LYPD6B: variants seen among roughly 807,000 people sequenced by gnomAD.
LYPD6B encodes the protein LY6/PLAUR domain containing 6B.
A neutral mutation model predicts 22.8 loss-of-function variants in LYPD6B; 17 were observed. That is an observed-to-expected ratio of 0.75 (90% CI 0.51 to 1.12). The LOEUF is 1.12. Ranked by LOEUF, LYPD6B falls within the 50% of genes most tolerant of loss-of-function variation. The pLI is 0.00. For missense variants in LYPD6B, 221 were observed against 258.3 expected, an observed-to-expected ratio of 0.86 and a Z score of 0.99; for synonymous variants, 106 against 91.6, an observed-to-expected ratio of 1.16 and a Z score of -0.90.
chr2:149,057,921 G>A (rs1253469775), intron 1 of LYPD6B, among the ~76,000 whole-genome samples: 1 of 152,136 alleles, frequency 6.6e-6, no homozygotes, highest in African/African-American at 2.4e-5. Flanking sequence ...CTCAGTTACT[G>A]TTTACCATAG....
At position 149,105,448 on chromosome 2, in the gene LYPD6B, C is replaced by A. The variant is rs113872368; in HGVS notation, c.-66-25435C>A. ...TGTGTCTTCCAATCCATGAACAATGCAGTAACTCAGCATTTATTTAAGTTT... is the reference window on the plus strand; with the variant it reads ...TGTGTCTTCCAATCCATGAACAATGAAGTAACTCAGCATTTATTTAAGTTT... On this transcript the variant is annotated intron_variant, in intron 1 of 6. Coordinates refer to ENST00000409642, the MANE Select transcript of LYPD6B (RefSeq NM_177964.5). 1.6e-3 allele frequency among the ~76,000 whole-genome samples: 240 copies of A among 152,250 alleles called. 1 individual carries two copies. The highest frequency in any genetic ancestry group is 5.6e-3 in the African/African-American group (234 of 41,570).
At chr2:149,210,351 C>T (rs1693770567) in intron 5 of LYPD6B, among the ~76,000 whole-genome samples, 1 of 151,958 alleles carries the variant, frequency 6.6e-6, no homozygotes, top group African/African-American at 2.4e-5. Context: ...CTGCCAAGTC[C>T]ACCTGAGAGG....
chr2:149,125,369 T>C (rs1034068212), intron 1 of LYPD6B, among the ~76,000 whole-genome samples: 3 of 152,218 alleles, frequency 2.0e-5, no homozygotes, highest in African/African-American at 7.2e-5. Context: ...TTCCTCTTCC[T>C]GGAGGGTTTT....
chr2:149,105,779 C>A (rs543285299), intron 1 of LYPD6B, among the ~76,000 whole-genome samples: 1 of 152,128 alleles, frequency 6.6e-6, no homozygotes, highest in Non-Finnish European at 1.5e-5. Flanking sequence ...GTCTGGATGG[C>A]TTTTGTTTCT....
At chr2:149,106,933 G>A (rs555195579) in intron 1 of LYPD6B, among the ~76,000 whole-genome samples, 27 of 152,054 alleles carry the variant, frequency 1.8e-4, no homozygotes, top group Admixed American at 1.6e-3. Flanking sequence ...CTTATCTGCA[G>A]GGGATGTGCT....
At chr2:149,105,662 C>T (rs368562928) in intron 1 of LYPD6B, among the ~76,000 whole-genome samples, 24 of 152,246 alleles carry the variant, frequency 1.6e-4, no homozygotes, top group African/African-American at 5.8e-4. Context: ...CTGCATCCTA[C>T]AGACTGACTA....
chr2:149,078,055 A>T (rs1289089909), intron 1 of LYPD6B, among the ~76,000 whole-genome samples: 5 of 152,196 alleles, frequency 3.3e-5, no homozygotes, highest in Admixed American at 6.5e-5. Context: ...GTGACAGTCA[A>T]CACTGTTAAT....
chr2:149,132,691 C>T (rs1332987304), intron 2 of LYPD6B, among the ~76,000 whole-genome samples: 1 of 152,052 alleles, frequency 6.6e-6, no homozygotes, highest in African/African-American at 2.4e-5. Flanking sequence ...TGTGCTTGGC[C>T]CTGCCCCATT....
chr2:149,138,350 T>G (rs1252608702), intron 2 of LYPD6B, among the ~76,000 whole-genome samples: 1 of 152,218 alleles, frequency 6.6e-6, no homozygotes. Flanking sequence ...CCAACCAGTT[T>G]GAATGAATGT....
At chr2:149,098,428 C>T (rs980257115) in intron 1 of LYPD6B, among the ~76,000 whole-genome samples, 1 of 151,764 alleles carries the variant, frequency 6.6e-6, no homozygotes, top group African/African-American at 2.4e-5. Context: ...AGTTCAAGAC[C>T]AGCCTGGGAA....
intron 1 of LYPD6B, among the ~76,000 whole-genome samples, chr2:149,106,235 G>A (rs1223653018): frequency 3.3e-5 from 5 of 151,914 alleles, no homozygotes; most frequent in Admixed American, 3.3e-4. Flanking sequence ...GAGGAATATT[G>A]GTTTGCAATT....
chr2:149,103,198 A>G (rs939521216), intron 1 of LYPD6B, among the ~76,000 whole-genome samples: 1 of 152,200 alleles, frequency 6.6e-6, no homozygotes, highest in Non-Finnish European at 1.5e-5. Flanking sequence ...GTTGGCACAA[A>G]CATGGTGGAG....
At chr2:149,091,216 A>G (rs1190078010) in intron 1 of LYPD6B, among the ~76,000 whole-genome samples, 1 of 152,016 alleles carries the variant, frequency 6.6e-6, no homozygotes, top group Non-Finnish European at 1.5e-5. Flanking sequence ...CCTCTGTGAA[A>G]TCGGGGTTTT....
chr2:149,158,053 G>A (rs1277413940), intron 2 of LYPD6B, among the ~76,000 whole-genome samples: 4 of 152,122 alleles, frequency 2.6e-5, no homozygotes, highest in African/African-American at 9.7e-5. Flanking sequence ...TAAGATTGGG[G>A]TGGGGAGATT....
intron 2 of LYPD6B, among the ~76,000 whole-genome samples, chr2:149,146,835 G>C (rs968211737): frequency 6.6e-6 from 1 of 152,138 alleles, no homozygotes; most frequent in Admixed American, 6.5e-5. Flanking sequence ...AGACCCTTGC[G>C]CTTACCTGCC....
At chr2:149,048,060 T>G (rs149318635) in intron 1 of LYPD6B, among the ~76,000 whole-genome samples, 6 of 152,338 alleles carry the variant, frequency 3.9e-5, no homozygotes, top group African/African-American at 1.2e-4. Flanking sequence ...CGGACTTTTA[T>G]AATTAATTTT....
chr2:149,213,123 G>A lies in LYPD6B; in HGVS notation c.459+1G>A. The A allele has an allele frequency of 6.2e-7, 1 of 1,610,200 alleles. No homozygotes were observed. The highest frequency in any genetic ancestry group is 8.5e-7 in the Non-Finnish European group (1 of 1,177,838). On this transcript the variant is annotated splice_donor_variant, in intron 6 of 6. Transcript: ENST00000409642. LOFTEE classifies it high-confidence loss of function. ...CCACAGCCGAGATTCTGAACATACG[G>A]TAAGGATCGTGTGTGTGTGTTATTG...
chr2:149,112,847 G>A (rs1377841107), intron 1 of LYPD6B, among the ~76,000 whole-genome samples: 1 of 152,138 alleles, frequency 6.6e-6, no homozygotes, highest in Admixed American at 6.6e-5. Flanking sequence ...TAGGTGATGG[G>A]AATATAACTG....
intron 1 of LYPD6B, among the ~76,000 whole-genome samples, 192 bp downstream of exon 1, chr2:149,038,993 C>T (rs1234830822): frequency 6.7e-6 from 1 of 149,920 alleles, no homozygotes; most frequent in Non-Finnish European, 1.5e-5. Context: ...GTGGCGGGGT[C>T]GGGGTCTGGT....
Sources: gnomAD v4.1 joint callset for allele counts (sites outside exome capture counted in the v4.1 genomes callset) on GRCh38, gnomAD v4.1.1 for gene constraint, MANE v1.5 for transcripts, NCBI Gene and HGNC (gene_info 2026-07-23, HGNC 2026-07-21) for gene names.